Variants in ZNF280C observed in about 807,000 individuals in gnomAD.
ZNF280C encodes suppressor of hairy wing homolog 3.
A neutral mutation model predicts 53.6 loss-of-function variants in ZNF280C; 14 were observed. The ratio of observed to expected loss-of-function variants is 0.26; its 90% CI spans 0.17 to 0.41. ZNF280C has a LOEUF of 0.41. ZNF280C is among the 10% of genes least tolerant of loss of function. ZNF280C has a pLI of 1.00. For missense variants in ZNF280C, 416 were observed against 547.1 expected (o/e 0.76, Z 2.39); for synonymous variants, 203 against 181.1 (o/e 1.12, Z -0.97).
chrX:130,268,856 G>A lies in ZNF280C; in HGVS notation c.-111C>T, dbSNP rs1032628668. 1 of 112,677 alleles carries A rather than the reference G, an allele frequency of 8.9e-6. No homozygotes were observed. The highest frequency in any genetic ancestry group is 9.3e-5 in the Admixed American group (1 of 10,751). The allele number at this position is 112,677 out of a possible 1,213,427, so 9.3% of individuals were successfully genotyped here. A position where few individuals can be genotyped will look rare whatever the true frequency, so the allele number is the denominator to read the frequency against. ...GGAGCGCGAAAAACCTCAGGCGACA[G>A]CCTCAGCAACAGCGACTCCCCCGGA... On this transcript the variant is annotated 5_prime_UTR_variant, in exon 1 of 19. Transcript: ENST00000370978.
intron 1 of ZNF280C, among the ~76,000 whole-genome samples, chrX:130,262,102 C>A (rs1424440886): frequency 8.9e-6 from 1 of 111,906 alleles, no homozygotes; most frequent in African/African-American, 3.2e-5. Context: ...ATAGAGATAG[C>A]TTTTGAGGCC....
At chrX:130,258,350 C>G (rs1347924834) in intron 2 of ZNF280C, among the ~76,000 whole-genome samples, 1 of 111,739 alleles carries the variant, frequency 8.9e-6, no homozygotes, top group East Asian at 2.8e-4. Context: ...TTAAGGCCAT[C>G]CTTTAGCATG....
intron 12 of ZNF280C, among the ~76,000 whole-genome samples, chrX:130,223,233 T>G (rs1296626467): frequency 6.3e-5 from 7 of 110,913 alleles, no homozygotes; most frequent in African/African-American, 2.3e-4. Flanking sequence ...ATTTTTTTTA[T>G]TTTTAGTAGA....
intron 2 of ZNF280C, among the ~76,000 whole-genome samples, chrX:130,249,950 A>C (rs112293462): frequency 8.9e-5 from 10 of 112,367 alleles, no homozygotes; most frequent in African/African-American, 2.9e-4. Flanking sequence ...CAAAATAGCC[A>C]GTATAGAAAA....
At chrX:130,268,174 CG>C (rs1448906414) in intron 1 of ZNF280C, among the ~76,000 whole-genome samples, 1 of 111,319 alleles carries the variant, frequency 9.0e-6, no homozygotes, top group Admixed American at 9.5e-5. Flanking sequence ...TAGACAATAA[CG>C]GAATAGAGCA....
In ZNF280C at chrX:130,204,735, G is replaced by A; in HGVS notation, c.*242C>T. On this transcript the variant is annotated 3_prime_UTR_variant, in exon 19 of 19. Coordinates refer to ENST00000370978, the MANE Select transcript of ZNF280C (RefSeq NM_017666.5). ...CAAGTATAGCAGAGAAAAACAAAAG[G>A]CATTTTTGGAGAGAGCCAACTGGAG... 3.5e-6 allele frequency: 1 copy of A among 282,342 alleles called. No individual in the cohort carries two copies. Among genetic ancestry groups the A allele is most frequent in the Non-Finnish European group, 6.2e-6 (1 of 161,186 alleles). 23.3% of individuals were successfully genotyped at this position (282,342 alleles called of 1,213,427 possible).
chrX:130,242,815 T>C (rs2032408189), intron 5 of ZNF280C, among the ~76,000 whole-genome samples: 2 of 111,992 alleles, frequency 1.8e-5, no homozygotes, highest in Non-Finnish European at 1.9e-5. Context: ...GTGCTGGGAT[T>C]ACAGGCATGA....
At chrX:130,229,876 T>C (rs2032259423) in intron 9 of ZNF280C, among the ~76,000 whole-genome samples, 1 of 112,257 alleles carries the variant, frequency 8.9e-6, no homozygotes, top group African/African-American at 3.2e-5. Flanking sequence ...CTAAAACTTT[T>C]TGCTGAATTT....
At chrX:130,258,558 C>T (rs1013367086) in intron 2 of ZNF280C, among the ~76,000 whole-genome samples, 3 of 112,396 alleles carry the variant, frequency 2.7e-5, no homozygotes, top group African/African-American at 9.7e-5. Flanking sequence ...AACAAAAAAT[C>T]TTCAAATTCT....
chrX:130,243,940 A>G (rs1265315682), intron 3 of ZNF280C, 75 bp from the exon 4 acceptor site: 5 of 613,742 alleles, frequency 8.1e-6, no homozygotes, highest in Non-Finnish European at 9.5e-6. Flanking sequence ...CTCCAAAAAC[A>G]TATCTTTGCA....
At position 130,243,329 on chromosome X, in the gene ZNF280C, G is replaced by T. The variant is rs1379812565; in HGVS notation, c.381+234C>A. Among the ~76,000 whole-genome samples, 3 of 111,160 alleles carry T rather than the reference G, an allele frequency of 2.7e-5. No homozygotes were observed. The East Asian group carries it at 8.5e-4, about 31-fold the overall frequency. ...TCCCGAGTAGCTGGGACTACAGGTG[G>T]TGCACCACTATGCCCAGCTAATTTT... On this transcript the variant is annotated intron_variant, in intron 5 of 18. Coordinates refer to ENST00000370978, the MANE Select transcript of ZNF280C (RefSeq NM_017666.5).
rs185583068 is a variant in ZNF280C, at chrX:130,213,387, C to T, written c.1979+1806G>A. Among the ~76,000 whole-genome samples, 14 of 110,279 alleles carry T rather than the reference C, an allele frequency of 1.3e-4. No individual in the cohort carries two copies. In the South Asian group the frequency reaches 2.3e-3, roughly 18 times the overall value. On this transcript the variant is annotated intron_variant, in intron 15 of 18. Transcript: ENST00000370978. ...GACTCCATCTCAAAACAAAACAAAA[C>T]GAAACAAAAACAAAGCGGTATTTTT...
chrX:130,249,701 C>A (rs1262165354), intron 2 of ZNF280C, among the ~76,000 whole-genome samples: 1 of 111,926 alleles, frequency 8.9e-6, no homozygotes, highest in East Asian at 2.8e-4. Context: ...CATCAGCCCA[C>A]AAAGAAGAGA....
At chrX:130,251,491 C>G (rs1460614425) in intron 2 of ZNF280C, among the ~76,000 whole-genome samples, 1 of 110,431 alleles carries the variant, frequency 9.1e-6, no homozygotes, top group African/African-American at 3.3e-5. Flanking sequence ...AGCAAACAGC[C>G]AGAGTAGCGC....
rs200486532 is a variant in ZNF280C at position 130,260,480 on chromosome X, A to G, written c.-16-15T>C. ...TGCAAGGTCACCTAAGTACGAACAC[A>G]TGACATCAATCAATGTTATGAGTCA... is the stretch of plus-strand genomic sequence containing the variant. On this transcript the variant is annotated splice_polypyrimidine_tract_variant and intron_variant, in intron 1 of 18. Coordinates refer to ENST00000370978, the MANE Select transcript of ZNF280C (RefSeq NM_017666.5). 9.5e-6 allele frequency: 11 copies of G among 1,159,153 alleles called. No individual in the cohort carries two copies. The highest frequency in any genetic ancestry group is 1.3e-5 in the Non-Finnish European group (11 of 860,412).
chrX:130,243,869 T>A lies in ZNF280C; in HGVS notation c.179-4A>T. On this transcript the variant is annotated splice_polypyrimidine_tract_variant and splice_region_variant and intron_variant, in intron 3 of 18. Coordinates refer to ENST00000370978, the MANE Select transcript of ZNF280C (RefSeq NM_017666.5). Reference sequence around the variant, plus strand: ...GAGTGGCCTCTGTTCAAAATATCTATAAAATTATATTTATTTTAAAATTTG... The same window carrying A: ...GAGTGGCCTCTGTTCAAAATATCTAAAAAATTATATTTATTTTAAAATTTG... 1 of 1,081,584 alleles carries A rather than the reference T, an allele frequency of 9.2e-7. No individual in the cohort carries two copies. Among genetic ancestry groups the A allele is most frequent in the Non-Finnish European group, 1.2e-6 (1 of 816,914 alleles). The allele number at this position is 1,081,584 out of a possible 1,213,427, so 89.1% of individuals were successfully genotyped here.
intron 5 of ZNF280C, among the ~76,000 whole-genome samples, chrX:130,243,181 T>C (rs1487135866): frequency 2.7e-5 from 3 of 111,518 alleles, no homozygotes; most frequent in African/African-American, 9.8e-5. Context: ...TTTGTTTGTG[T>C]TGGCTTTTGT....
Position 130,250,083 on chromosome X carries a change from A to G in ZNF280C, c.32-3078T>C, listed in dbSNP as rs2032491392. 4.5e-5 allele frequency among the ~76,000 whole-genome samples: 5 copies of G among 112,109 alleles called. No individual in the cohort carries two copies. The South Asian group carries it at 1.9e-3, about 42-fold the overall frequency. On this transcript the variant is annotated intron_variant, in intron 2 of 18. Transcript: ENST00000370978. ...TCAGAACTTGAAGACTGGTTTTCTA[A>G]GATAGCCAAAAAAATATAGAGAAAA...
intron 2 of ZNF280C, among the ~76,000 whole-genome samples, chrX:130,252,403 A>G (rs374141615): frequency 1.8e-5 from 2 of 111,625 alleles, no homozygotes; most frequent in African/African-American, 6.5e-5. Flanking sequence ...TATCAATAAA[A>G]TTCAACACCC....
Sources: gnomAD v4.1 joint callset for allele counts (sites outside exome capture counted in the v4.1 genomes callset) on GRCh38, gnomAD v4.1.1 for gene constraint, MANE v1.5 for transcripts, NCBI Gene and HGNC (gene_info 2026-07-23, HGNC 2026-07-21) for gene names.